Variants in RELN observed in about 807,000 individuals in gnomAD.
RELN encodes reelin.
RELN carries 108 observed loss-of-function variants against 427.6 expected under a neutral mutation model. The ratio of observed to expected loss-of-function variants is 0.25; its 90% CI spans 0.22 to 0.30. RELN has a LOEUF of 0.30. Among genes scored for constraint, RELN ranks in the 10% least tolerant of loss-of-function variants. The pLI is 1.00. For synonymous variants in RELN, 1,524 were observed against 1,513.4 expected (o/e 1.01, Z -0.16); for missense variants, 3,715 against 4,302.8 (o/e 0.86, Z 3.82).
At chr7:103,658,690 A>T (rs1459427436) in intron 12 of RELN, among the ~76,000 whole-genome samples, 1 of 151,792 alleles carries the variant, frequency 6.6e-6, no homozygotes, top group East Asian at 1.9e-4. Flanking sequence ...TCAGTGACAC[A>T]TTTTTATTTT....
intron 2 of RELN, among the ~76,000 whole-genome samples, chr7:103,872,821 T>C (rs1262462187): frequency 2.0e-5 from 3 of 149,618 alleles, no homozygotes; most frequent in Admixed American, 6.7e-5. Context: ...CCAGTGATGA[T>C]GAGTGTTTTT....
At position 103,604,886 on chromosome 7, in the gene RELN, A is replaced by G. The variant is rs1446874227; in HGVS notation, c.3009-403T>C. Among the ~76,000 whole-genome samples, 5 of 149,602 alleles carry G rather than the reference A, an allele frequency of 3.3e-5. No individual in the cohort carries two copies. In the Admixed American group the frequency reaches 3.4e-4, roughly 10 times the overall value. ...ACTCTGTTGCCCAGGCTGGATTGCA[A>G]TGGTGCGATCTCGGCTCACTGCAAC... is the stretch of plus-strand genomic sequence containing the variant. On this transcript the variant is annotated intron_variant, in intron 22 of 64. Coordinates refer to ENST00000428762, the MANE Select transcript of RELN (RefSeq NM_005045.4).
chr7:103,865,914 G>T (rs1794187254), intron 2 of RELN, among the ~76,000 whole-genome samples: 1 of 152,056 alleles, frequency 6.6e-6, no homozygotes, highest in African/African-American at 2.4e-5. Flanking sequence ...GCAAAGTGTG[G>T]GAAACCCTGC....
chr7:103,863,309 A>G (rs1291185254), intron 2 of RELN, among the ~76,000 whole-genome samples: 2 of 152,172 alleles, frequency 1.3e-5, no homozygotes, highest in Non-Finnish European at 2.9e-5. Flanking sequence ...TGAAAGAATC[A>G]TAGAATGTTA....
At chr7:103,905,238 A>C (rs1432464456) in intron 2 of RELN, among the ~76,000 whole-genome samples, 1 of 151,932 alleles carries the variant, frequency 6.6e-6, no homozygotes, top group East Asian at 1.9e-4. Flanking sequence ...TCACCCTCCC[A>C]AAGTGCTGGG....
In RELN at chr7:103,723,122, C is replaced by A. The variant is rs998302773; in HGVS notation, c.805+18G>T. 1 of 1,534,028 alleles carries A rather than the reference C, an allele frequency of 6.5e-7. No homozygotes were observed. Among genetic ancestry groups the A allele is most frequent in the African/African-American group, 1.4e-5 (1 of 73,226 alleles). Reference sequence around the variant, plus strand: ...ACATTTCCAAATTAAATCGTTATAACTGCTAAAAAACACTTACCAATGGAA... The same window carrying A: ...ACATTTCCAAATTAAATCGTTATAAATGCTAAAAAACACTTACCAATGGAA... On this transcript the variant is annotated intron_variant, in intron 8 of 64. Coordinates refer to ENST00000428762, the MANE Select transcript of RELN (RefSeq NM_005045.4).
chr7:103,606,127 C>G (rs147520837), intron 22 of RELN, among the ~76,000 whole-genome samples: 133 of 152,316 alleles, frequency 8.7e-4, no homozygotes, highest in African/African-American at 3.1e-3. Context: ...TGCACCTTGT[C>G]ATCCTGAAAA....
At position 103,551,260 on chromosome 7, in the gene RELN, C is replaced by A; in HGVS notation, c.6109G>T (p.Asp2037Tyr). 2.5e-6 allele frequency: 4 copies of A among 1,613,922 alleles called. No individual in the cohort carries two copies. The highest frequency in any genetic ancestry group is 1.3e-5 in the African/African-American group (1 of 75,020). Reference protein sequence around the residue: ...VGCSTDSSSADPVRLEFSRDF... With the variant: ...VGCSTDSSSAYPVRLEFSRDF... ...CTTGAAAATTCCAGTCTCACTGGAT[C>A]CGCGGATGAGCTATCAGTCGAACAG... Residue 2037 changes from aspartate to tyrosine, a missense_variant, in exon 41 of 65, where the codon GAT (aspartate) becomes TAT (tyrosine). Physicochemically the swap from Asp to Tyr is radical, Grantham distance 160 (BLOSUM62 -3). Transcript: ENST00000428762.
chr7:103,619,879 T>C (rs1459709129), intron 20 of RELN, among the ~76,000 whole-genome samples: 1 of 151,370 alleles, frequency 6.6e-6, no homozygotes, highest in Non-Finnish European at 1.5e-5. Context: ...TGTGTGTTTG[T>C]GTGTGTGTGT....
intron 3 of RELN, among the ~76,000 whole-genome samples, chr7:103,781,330 A>AAT (rs1791883417): frequency 1.3e-5 from 2 of 152,118 alleles, no homozygotes; most frequent in African/African-American, 4.8e-5. Context: ...CTTCTATGGA[A>AAT]ATATATATAT....
intron 3 of RELN, among the ~76,000 whole-genome samples, chr7:103,803,320 G>A (rs1250961279): frequency 1.3e-5 from 2 of 152,044 alleles, no homozygotes; most frequent in African/African-American, 4.8e-5. Context: ...TATATATTTA[G>A]TAATTTTAAA....
Position 103,483,600 on chromosome 7 carries a change from G to A in RELN, c.10181+53C>T, listed in dbSNP as rs974680607. On this transcript the variant is annotated intron_variant, in intron 62 of 64. Coordinates refer to ENST00000428762, the MANE Select transcript of RELN (RefSeq NM_005045.4). ...TACCTCAAACTTTGTGATTCCCAGGGATTCACAAAGGGATTGTGCATGAGA... is the reference window on the plus strand; with the variant it reads ...TACCTCAAACTTTGTGATTCCCAGGAATTCACAAAGGGATTGTGCATGAGA... The A allele has an allele frequency of 6.4e-6, 10 of 1,569,572 alleles. No individual in the cohort carries two copies. In the South Asian group the frequency reaches 8.9e-5, roughly 14 times the overall value.
chr7:103,590,561 A>ACAATCAAT (rs1170230280), intron 27 of RELN, among the ~76,000 whole-genome samples: 1 of 78,020 alleles, frequency 1.3e-5, no homozygotes, highest in African/African-American at 6.0e-5. Context: ...CTCCATCTCA[A>ACAATCAAT]CAATAAATAA....
chr7:103,919,129 C>T (rs1047973481), intron 1 of RELN, among the ~76,000 whole-genome samples: 6 of 140,334 alleles, frequency 4.3e-5, no homozygotes, highest in South Asian at 4.6e-4. Context: ...AACTGATAAT[C>T]GGTCTTTTTT....
chr7:103,707,793 G>A (rs542153859), intron 8 of RELN, among the ~76,000 whole-genome samples: 4 of 152,134 alleles, frequency 2.6e-5, no homozygotes, highest in East Asian at 1.9e-4. Flanking sequence ...CACCACGCCC[G>A]GCTGCAAATC....
At chr7:103,720,904 A>G (rs1790060077) in intron 8 of RELN, among the ~76,000 whole-genome samples, 1 of 152,152 alleles carries the variant, frequency 6.6e-6, no homozygotes, top group Admixed American at 6.6e-5. Context: ...TCTGCCCGCT[A>G]TACGGTATTC....
intron 11 of RELN, among the ~76,000 whole-genome samples, chr7:103,663,037 G>A (rs1458882609): frequency 7.1e-6 from 1 of 141,496 alleles, no homozygotes; most frequent in African/African-American, 2.6e-5. Context: ...AAAACATTCT[G>A]TCAGCCCTCT....
intron 3 of RELN, among the ~76,000 whole-genome samples, chr7:103,826,996 G>A (rs1401235112): frequency 1.4e-5 from 2 of 142,750 alleles, no homozygotes; most frequent in Admixed American, 6.9e-5. Flanking sequence ...TTTTGCTATA[G>A]CTTTTTTTTT....
At chr7:103,921,530 A>G (rs570249433) in intron 1 of RELN, among the ~76,000 whole-genome samples, 2 of 152,302 alleles carry the variant, frequency 1.3e-5, no homozygotes, top group East Asian at 3.9e-4. Context: ...TCGATTTCAT[A>G]CAGAATTCTG....
Sources: allele counts gnomAD v4.1 joint callset (sites outside exome capture counted in the v4.1 genomes callset), GRCh38; gene constraint gnomAD v4.1.1; transcripts MANE v1.5; gene names NCBI Gene and HGNC (gene_info 2026-07-23, HGNC 2026-07-21).